The following PAX2 variants were observed in gnomAD, a reference collection of about 807,000 sequenced individuals.
PAX2 encodes the protein paired box 2, also known as paired box protein Pax-2.
PAX2 carries 9 observed loss-of-function variants against 41.7 expected under a neutral mutation model. That is an observed-to-expected ratio of 0.22 (90% CI 0.13 to 0.38). PAX2 has a LOEUF of 0.38. Ranked by LOEUF, PAX2 falls within the 10% of genes least tolerant of loss-of-function variation. The pLI is 1.00. For missense variants in PAX2, 418 were observed against 531.6 expected (o/e 0.79, Z 2.10); for synonymous variants, 221 against 212.7 (o/e 1.04, Z -0.34).
intron 7 of PAX2, among the ~76,000 whole-genome samples, chr10:100,818,310 T>G (rs1313001975): frequency 6.6e-6 from 1 of 152,240 alleles, no homozygotes; most frequent in East Asian, 1.9e-4. Context: ...AGTTTCTGCT[T>G]CTTTCGTGGC....
intron 5 of PAX2, among the ~76,000 whole-genome samples, chr10:100,802,419 C>A (rs542091106): frequency 6.6e-6 from 1 of 152,112 alleles, no homozygotes; most frequent in East Asian, 1.9e-4. Context: ...GGTAGAGGCA[C>A]CAGAGATGGG....
chr10:100,779,869 C>A (rs1220822775), intron 4 of PAX2, among the ~76,000 whole-genome samples: 1 of 151,986 alleles, frequency 6.6e-6, no homozygotes, highest in Non-Finnish European at 1.5e-5. Context: ...TCTAGCATTT[C>A]TTCTTCTTTT....
At chr10:100,817,477 G>T (rs1201991848) in intron 7 of PAX2, among the ~76,000 whole-genome samples, 2 of 152,238 alleles carry the variant, frequency 1.3e-5, no homozygotes, top group Non-Finnish European at 2.9e-5. Context: ...ACAGCCCAGA[G>T]GAGGGCGGGG....
chr10:100,793,218 C>G (rs1438047065), intron 5 of PAX2, among the ~76,000 whole-genome samples: 1 of 152,218 alleles, frequency 6.6e-6, no homozygotes, highest in Non-Finnish European at 1.5e-5. Flanking sequence ...GTCCCAGGAG[C>G]TAGACGCTCA....
rs773186828 is a variant in PAX2, at chr10:100,806,479, C to G, written c.666C>G (p.Asp222Glu). The G allele has an allele frequency of 6.2e-7, 1 of 1,614,116 alleles. No individual in the cohort carries two copies. The highest frequency in any genetic ancestry group is 8.5e-7 in the Non-Finnish European group (1 of 1,180,042). ...VPNGDSQSGVDSLRKHLRADT... is the reference protein window; with the variant it reads ...VPNGDSQSGVESLRKHLRADT... ...ATGGAGATTCCCAGAGTGGTGTGGA[C>G]AGTTTGCGGAAGCACTTGCGAGCTG... Residue 222 changes from aspartate to glutamate, a missense_variant, in exon 6 of 10, where the codon GAC becomes GAG. Physicochemically the swap from Asp to Glu is conservative, Grantham distance 45 (BLOSUM62 2). This residue lies in a region of PAX2 where 310 missense variants were observed against 325.2 expected (regional missense o/e 0.95). Transcript: ENST00000355243.
In PAX2 at chr10:100,748,103, C is replaced by T. The variant is rs532566972; in HGVS notation, c.44-1643C>T. ...ACTCAGCGCCGACTCGCTGCAGTCC[C>T]CCAGCCCTGGACTCCCGCCGTGTCC... On this transcript the variant is annotated intron_variant, in intron 1 of 9. Coordinates refer to ENST00000355243, the MANE Select transcript of PAX2 (RefSeq NM_000278.5). This position sits in a 1 kb window ranked among gnomAD's most constrained non-coding sequence, Gnocchi z 5.0. The T allele has an allele frequency of 5.1e-6, 5 of 985,126 alleles. No individual in the cohort carries two copies. The African/African-American group carries it at 8.7e-5, about 17-fold the overall frequency. The allele number at this position is 985,126 out of a possible 1,614,324, so 61.0% of individuals were successfully genotyped here.
At position 100,749,820 on chromosome 10, in the gene PAX2, C is replaced by G. The variant is rs2133833793; in HGVS notation, c.118C>G (p.Arg40Gly). 4 of 1,611,372 alleles carry G rather than the reference C, an allele frequency of 2.5e-6. No individual in the cohort carries two copies. The highest frequency in any genetic ancestry group is 1.7e-5 in the Admixed American group (1 of 59,892). The part of the protein sequence containing the change: ...GRPLPDVVRQ[R>G]IVELAHQGVR... ...GCCCCTACCCGACGTGGTGAGGCAG[C>G]GCATCGTGGAGCTGGCCCACCAGGG... The change falls in exon 2 of 10, where the codon CGC becomes GGC. Residue 40 changes from arginine (R) to glycine (G), a missense_variant. This residue lies in a region of PAX2 where 108 missense variants were observed against 206.3 expected (regional missense o/e 0.52). Transcript: ENST00000355243.
At chr10:100,739,059 T>C (rs1313495778) in intron 1 of PAX2, among the ~76,000 whole-genome samples, 2 of 115,292 alleles carry the variant, frequency 1.7e-5, no homozygotes, top group African/African-American at 6.2e-5. Context: ...ACGGCCCCCA[T>C]AGCCACCGCA....
Position 100,745,625 on chromosome 10 carries a change from C to T in PAX2, c.-636C>T, listed in dbSNP as rs1741249600. The T allele has an allele frequency of 1.0e-5, 4 of 396,528 alleles. No individual in the cohort carries two copies. The highest frequency in any genetic ancestry group is 1.4e-5 in the Non-Finnish European group (4 of 282,378). 24.6% of individuals were successfully genotyped at this position (396,528 alleles called of 1,614,324 possible). On this transcript the variant is annotated 5_prime_UTR_variant, in exon 1 of 10. Transcript: ENST00000355243. ...CTCGCAGCCGCAACCCACCTGGGGC[C>T]AGCCCAGAGCTGCCAGCGCCGCTCG...
At chr10:100,753,717 A>G (rs1166239740) in intron 3 of PAX2, among the ~76,000 whole-genome samples, 1 of 152,242 alleles carries the variant, frequency 6.6e-6, no homozygotes, top group African/African-American at 2.4e-5. Flanking sequence ...TCTCCTTCCC[A>G]AAACAGATGC....
At chr10:100,738,705 T>C (rs1844851928) in intron 1 of PAX2, among the ~76,000 whole-genome samples, 1 of 152,232 alleles carries the variant, frequency 6.6e-6, no homozygotes, top group Non-Finnish European at 1.5e-5. Flanking sequence ...TGAGGGATTT[T>C]TTTCTTTCCA....
intron 5 of PAX2, among the ~76,000 whole-genome samples, chr10:100,787,313 C>T (rs1415561620): frequency 6.6e-6 from 1 of 152,134 alleles, no homozygotes; most frequent in Non-Finnish European, 1.5e-5. Flanking sequence ...GGTAGTAAAA[C>T]AAAAGCAAAG....
At chr10:100,740,512 C>T (rs941174020) in intron 1 of PAX2, among the ~76,000 whole-genome samples, 5 of 152,224 alleles carry the variant, frequency 3.3e-5, no homozygotes, top group African/African-American at 1.2e-4. Context: ...AAAACGCCAC[C>T]TCCTGCCCTA....
chr10:100,755,481 T>C (rs1412267193), intron 3 of PAX2, among the ~76,000 whole-genome samples: 1 of 152,222 alleles, frequency 6.6e-6, no homozygotes, highest in East Asian at 1.9e-4. Flanking sequence ...GTCCCAACTG[T>C]TCTGAGAACT....
intron 4 of PAX2, among the ~76,000 whole-genome samples, 185 bp from the exon 5 acceptor site, chr10:100,781,061 G>C (rs1045318439): frequency 2.0e-5 from 3 of 152,186 alleles, no homozygotes; most frequent in African/African-American, 7.2e-5. Context: ...ATAATAGCCT[G>C]TATATGGCAA....
intron 7 of PAX2, among the ~76,000 whole-genome samples, chr10:100,815,974 C>T (rs562943167): frequency 2.6e-5 from 4 of 152,294 alleles, no homozygotes; most frequent in Admixed American, 2.0e-4. Flanking sequence ...TTAGCAAAGA[C>T]GTAGTTCTGG....
intron 3 of PAX2, among the ~76,000 whole-genome samples, chr10:100,759,728 A>G (rs1329292140): frequency 2.0e-5 from 3 of 152,222 alleles, no homozygotes; most frequent in African/African-American, 7.2e-5. Flanking sequence ...CAGGCACAGT[A>G]GAATCAAGAA....
chr10:100,782,284 G>A lies in PAX2; in HGVS notation c.616+919G>A, dbSNP rs545582198. On this transcript the variant is annotated intron_variant, in intron 5 of 9. Transcript: ENST00000355243. ...AATCCTCAAACAATGAGCATAAAGG[G>A]GTGACCATCTATCCCATTAGCCCAG... Among the ~76,000 whole-genome samples the A allele has an allele frequency of 4.6e-5, 7 of 152,304 alleles. No individual in the cohort carries two copies. In the South Asian group the frequency reaches 1.4e-3, roughly 32 times the overall value.
intron 3 of PAX2, among the ~76,000 whole-genome samples, chr10:100,765,773 T>G (rs1386935635): frequency 7.0e-6 from 1 of 142,124 alleles, no homozygotes; most frequent in African/African-American, 2.9e-5. Flanking sequence ...TTTTTGCACT[T>G]CTCTGCTTAA....
Sources: gnomAD v4.1 joint callset for allele counts (sites outside exome capture counted in the v4.1 genomes callset) on GRCh38, gnomAD v4.1.1 for gene constraint, gnomAD v4.1.1 regional missense constraint, Gnocchi (gnomAD v3.1) non-coding constraint, MANE v1.5 for transcripts, NCBI Gene and HGNC (gene_info 2026-07-23, HGNC 2026-07-21) for gene names.